The following SEMA3D variants were observed in gnomAD, a reference collection of about 807,000 sequenced individuals.
The protein encoded by SEMA3D is semaphorin 3D.
Under a neutral mutation model 100.1 loss-of-function variants are expected in SEMA3D, and 84 were observed. The ratio of observed to expected loss-of-function variants is 0.84; its 90% CI spans 0.70 to 1.01. The LOEUF (loss-of-function observed/expected upper bound fraction) is 1.01. Among genes scored for constraint, SEMA3D ranks in the 50% least tolerant of loss-of-function variants. The probability of loss-of-function intolerance (pLI) is 0.00; values close to 1 mark genes in which losing one functional copy is unlikely to be tolerated. For missense variants in SEMA3D, 875 were observed against 934.1 expected (o/e 0.94, Z 0.82); for synonymous variants, 312 against 320.7 (o/e 0.97, Z 0.29).
chr7:85,011,909 G>T (rs961196473), intron 17 of SEMA3D, among the ~76,000 whole-genome samples: 3 of 151,698 alleles, frequency 2.0e-5, no homozygotes, highest in Non-Finnish European at 4.4e-5. Context: ...TAGTAACATT[G>T]TGATAAATGT....
chr7:85,121,808 G>T lies in SEMA3D; in HGVS notation c.84C>A (p.Thr28=), dbSNP rs907946637. ...LFPALMMLSM[T]MLFLPVTGTL... ...TGCCAGTGACTGGAAGAAACAACAT[G>T]GTCATGCTTAGCATCATCAAAGCAG... is the stretch of plus-strand genomic sequence containing the variant. Residue 28 remains threonine (T), a synonymous_variant, in exon 3 of 19, where the codon ACC becomes ACA. Transcript: ENST00000284136. The T allele has an allele frequency of 6.8e-6, 11 of 1,608,932 alleles. No homozygotes were observed. The highest frequency in any genetic ancestry group is 9.3e-6 in the Non-Finnish European group (11 of 1,177,684).
At chr7:85,145,140 AT>A (rs1466243181) in intron 2 of SEMA3D, among the ~76,000 whole-genome samples, 1 of 152,166 alleles carries the variant, frequency 6.6e-6, no homozygotes, top group African/African-American at 2.4e-5. Context: ...CCATTCAAGT[AT>A]GGGAATCATG....
chr7:85,136,549 G>A (rs1046000829), intron 2 of SEMA3D, among the ~76,000 whole-genome samples: 4 of 151,874 alleles, frequency 2.6e-5, no homozygotes, highest in African/African-American at 9.7e-5. Context: ...TCTGTAAATG[G>A]TATTTCAAGA....
chr7:85,046,118 TG>T (rs1298631754), intron 9 of SEMA3D, among the ~76,000 whole-genome samples: 1 of 152,008 alleles, frequency 6.6e-6, no homozygotes, highest in Non-Finnish European at 1.5e-5. Flanking sequence ...GAAATTATTT[TG>T]TTATGTGAAT....
intron 2 of SEMA3D, among the ~76,000 whole-genome samples, chr7:85,151,207 T>C (rs951373235): frequency 1.3e-5 from 2 of 151,998 alleles, no homozygotes; most frequent in African/African-American, 2.4e-5. Context: ...AAAAACCCTA[T>C]GTAAACCTGA....
chr7:85,116,364 AT>A (rs1789245577), intron 3 of SEMA3D, among the ~76,000 whole-genome samples: 1 of 146,220 alleles, frequency 6.8e-6, no homozygotes, highest in Admixed American at 6.9e-5. Flanking sequence ...ATTATAATAT[AT>A]TTATATATAT....
At position 85,000,438 on chromosome 7, in the gene SEMA3D, C is replaced by T. The variant is rs112401575; in HGVS notation, c.1909-573G>A. Among the ~76,000 whole-genome samples, 41 of 152,246 alleles carry T rather than the reference C, an allele frequency of 2.7e-4. 3 individuals carry two copies. The highest frequency in any genetic ancestry group is 1.7e-3 in the South Asian group (8 of 4,822). Reference sequence around the variant, plus strand: ...AGCATATGAAAGCCATAAATGATGACGTCTTTAAAGTCAAAGCCAAAGGTA... The same window carrying T: ...AGCATATGAAAGCCATAAATGATGATGTCTTTAAAGTCAAAGCCAAAGGTA... On this transcript the variant is annotated intron_variant, in intron 18 of 18. Transcript: ENST00000284136.
At chr7:85,088,462 A>T (rs1788287167) in intron 4 of SEMA3D, among the ~76,000 whole-genome samples, 1 of 152,286 alleles carries the variant, frequency 6.6e-6, no homozygotes, top group Non-Finnish European at 1.5e-5. Flanking sequence ...ACAAAAATTC[A>T]GAACCCTTGA....
chr7:85,151,239 C>A (rs1480095285), intron 2 of SEMA3D, among the ~76,000 whole-genome samples: 2 of 151,878 alleles, frequency 1.3e-5, no homozygotes, highest in Non-Finnish European at 2.9e-5. Flanking sequence ...GTTGTCAACC[C>A]AAGAAAATGG....
intron 2 of SEMA3D, among the ~76,000 whole-genome samples, chr7:85,138,636 AATTATATAT>A (rs1789936510): frequency 7.6e-6 from 1 of 131,766 alleles, no homozygotes; most frequent in Admixed American, 7.9e-5. Context: ...ATATAAATTA[AATTATATAT>A]ATTTAATTTA....
intron 1 of SEMA3D, among the ~76,000 whole-genome samples, chr7:85,166,253 A>G (rs980936152): frequency 2.0e-5 from 3 of 152,056 alleles, no homozygotes; most frequent in Admixed American, 6.6e-5. Flanking sequence ...ATCTTACCAA[A>G]TAAAGTTTTA....
chr7:85,030,553 G>A (rs571254957), intron 12 of SEMA3D, among the ~76,000 whole-genome samples: 96 of 152,110 alleles, frequency 6.3e-4, no homozygotes, highest in African/African-American at 2.3e-3. Context: ...AATGATTCAA[G>A]CAAAGTAAAA....
intron 2 of SEMA3D, chr7:85,143,247 T>C: frequency 3.3e-6 from 2 of 614,526 alleles, no homozygotes; most frequent in Non-Finnish European, 4.1e-6. Context: ...ATGTTAATAC[T>C]TTTATTATAA....
At chr7:85,034,739 G>A (rs778958782) in intron 12 of SEMA3D, among the ~76,000 whole-genome samples, 4 of 152,126 alleles carry the variant, frequency 2.6e-5, no homozygotes, top group Non-Finnish European at 5.9e-5. Flanking sequence ...CAACAGAGAA[G>A]TTGAAAACAA....
chr7:85,138,690 T>A lies in SEMA3D; in HGVS notation c.-41+14918A>T, dbSNP rs188204159. Among the ~76,000 whole-genome samples the A allele has an allele frequency of 1.2e-4, 18 of 148,750 alleles. No homozygotes were observed. The East Asian group carries it at 3.5e-3, about 29-fold the overall frequency. ...TTAAATTAAATATATATAATTTAAG[T>A]TCTAGGATACTTGTGCAGAATGTGC... On this transcript the variant is annotated intron_variant, in intron 2 of 18. Transcript: ENST00000284136.
chr7:85,085,121 G>T (rs1032458884), intron 4 of SEMA3D, among the ~76,000 whole-genome samples: 5 of 152,072 alleles, frequency 3.3e-5, no homozygotes, highest in African/African-American at 1.2e-4. Context: ...CAGCATGTAA[G>T]ATCCTGTTCT....
intron 4 of SEMA3D, among the ~76,000 whole-genome samples, chr7:85,095,511 G>A (rs1788522564): frequency 6.6e-6 from 1 of 152,020 alleles, no homozygotes; most frequent in Non-Finnish European, 1.5e-5. Flanking sequence ...CAGCCCCTCA[G>A]AGTCCCAACA....
At chr7:85,212,269 TA>T in the SEMA3D span, among the ~76,000 whole-genome samples, 5 of 152,130 alleles carry the variant, frequency 3.3e-5, no homozygotes, top group African/African-American at 1.2e-4. Context: ...TCTTATGATT[TA>T]TTTCAGGGGA....
intron 2 of SEMA3D, among the ~76,000 whole-genome samples, chr7:85,148,826 T>C (rs1049396562): frequency 1.3e-5 from 2 of 152,084 alleles, no homozygotes; most frequent in African/African-American, 4.8e-5. Context: ...TGTGTGTGTG[T>C]AGATTTTTTT....
Sources: allele counts gnomAD v4.1 joint callset (sites outside exome capture counted in the v4.1 genomes callset), GRCh38; gene constraint gnomAD v4.1.1; transcripts MANE v1.5; gene names NCBI Gene and HGNC (gene_info 2026-07-23, HGNC 2026-07-21).